The following LRP1B variants were observed in gnomAD, a reference collection of about 807,000 sequenced individuals.
The protein encoded by LRP1B is LDL receptor related protein 1B.
A neutral mutation model predicts 556.6 loss-of-function variants in LRP1B; 217 were observed. The observed-to-expected ratio is 0.39, with a 90% CI of 0.35 to 0.44. The LOEUF (loss-of-function observed/expected upper bound fraction) is 0.44. Ranked by LOEUF, LRP1B falls within the 20% of genes least tolerant of loss-of-function variation. The pLI is 1.00. For synonymous variants in LRP1B, 2,047 were observed against 1,865.8 expected (o/e 1.10, Z -2.50); for missense variants, 5,053 against 5,620.8 (o/e 0.90, Z 3.23).
intron 7 of LRP1B, among the ~76,000 whole-genome samples, chr2:141,074,583 C>CTA (rs759255104): frequency 1.0e-5 from 1 of 97,248 alleles, no homozygotes; most frequent in African/African-American, 3.6e-5. Context: ...CTCTCTCTCT[C>CTA]TCTCTCTATA....
intron 55 of LRP1B, among the ~76,000 whole-genome samples, chr2:140,496,985 G>A (rs985191049): frequency 6.6e-6 from 1 of 151,008 alleles, no homozygotes; most frequent in African/African-American, 2.4e-5. Context: ...AAAGCTATTA[G>A]AATGATATAT....
In LRP1B at chr2:141,836,799, A is replaced by T. The variant is rs557268399; in HGVS notation, c.83-26398T>A. 2.6e-5 allele frequency among the ~76,000 whole-genome samples: 4 copies of T among 152,138 alleles called. No homozygotes were observed. The South Asian group carries it at 8.3e-4, about 32-fold the overall frequency. ...GTTTGGTGAAATTTATTAAAAATGT[A>T]TAAATCTAACAGTAGGTAATTTTTG... On this transcript the variant is annotated intron_variant, in intron 1 of 90. Transcript: ENST00000389484.
chr2:140,762,016 ACTAT>A (rs1207843263), intron 35 of LRP1B, among the ~76,000 whole-genome samples: 1 of 151,948 alleles, frequency 6.6e-6, no homozygotes, highest in Non-Finnish European at 1.5e-5. Flanking sequence ...GCCTTCCCTA[ACTAT>A]CTGAGTCTCA....
chr2:140,234,125 CATT>C (rs745522690), intron 90 of LRP1B, among the ~76,000 whole-genome samples: 4 of 151,308 alleles, frequency 2.6e-5, no homozygotes, highest in African/African-American at 2.4e-5. Flanking sequence ...AACAAGGAAA[CATT>C]ATAATCTTTG....
chr2:140,615,769 C>CTTATACTAGGCTCTTCTT (rs1553499634), intron 41 of LRP1B, among the ~76,000 whole-genome samples: 2 of 160 alleles, frequency 0.013, no homozygotes, highest in Non-Finnish European at 0.053. Flanking sequence ...ACATGCCTTC[C>CTTATACTAGGCTCTTCTT]TCACCTCTTT....
At chr2:140,317,107 A>T (rs1343171222) in intron 82 of LRP1B, among the ~76,000 whole-genome samples, 1 of 152,138 alleles carries the variant, frequency 6.6e-6, no homozygotes, top group African/African-American at 2.4e-5. Context: ...AAGTCACTGT[A>T]AGCGGACCTG....
intron 3 of LRP1B, among the ~76,000 whole-genome samples, chr2:141,339,518 A>T (rs1002962799): frequency 6.6e-6 from 1 of 152,126 alleles, no homozygotes; most frequent in Non-Finnish European, 1.5e-5. Flanking sequence ...CAGTTTTCTC[A>T]TCTGAAAAAG....
intron 5 of LRP1B, among the ~76,000 whole-genome samples, 200 bp downstream of exon 5, chr2:141,247,026 A>G (rs767817672): frequency 3.2e-4 from 49 of 152,178 alleles, no homozygotes; most frequent in Non-Finnish European, 8.8e-5. Context: ...TGGAAGGAGT[A>G]ATGGAAGGAG....
chr2:142,021,159 C>T (rs984407856), intron 1 of LRP1B, among the ~76,000 whole-genome samples: 7 of 152,114 alleles, frequency 4.6e-5, no homozygotes, highest in Non-Finnish European at 1.0e-4. Flanking sequence ...ATGCACCTTG[C>T]ATTCCAGAGA....
Position 141,369,295 on chromosome 2 carries a change from C to G in LRP1B, c.343+111101G>C, listed in dbSNP as rs1369353659. 2.0e-5 allele frequency among the ~76,000 whole-genome samples: 3 copies of G among 151,992 alleles called. No homozygotes were observed. The South Asian group carries it at 6.2e-4, about 32-fold the overall frequency. On this transcript the variant is annotated intron_variant, in intron 3 of 90. Coordinates refer to ENST00000389484, the MANE Select transcript of LRP1B (RefSeq NM_018557.3). ...TGAGAAAATTTGCTCTGAAAACCTA[C>G]CACCTAATTTTCAAACATTTACATC...
chr2:140,416,828 C>A (rs184473342), intron 66 of LRP1B, among the ~76,000 whole-genome samples: 1 of 152,200 alleles, frequency 6.6e-6, no homozygotes, highest in African/African-American at 2.4e-5. Flanking sequence ...TTTTATTTAC[C>A]ACATCCATCC....
rs766397605 is a variant in LRP1B, at chr2:140,702,444, T to C, written c.6133A>G (p.Ile2045Val). The C allele has an allele frequency of 1.4e-5, 23 of 1,613,496 alleles. No homozygotes were observed. Among genetic ancestry groups the C allele is most frequent in the Non-Finnish European group, 1.8e-5 (21 of 1,179,718 alleles). The change falls in exon 38 of 91, where the codon ATC becomes GTC. Residue 2045 changes from isoleucine (I) to valine (V), a missense_variant. Physicochemically the swap from Ile to Val is conservative, Grantham distance 29. This residue lies in a region of LRP1B where 3,619 missense variants were observed against 3,931.9 expected (regional missense o/e 0.92). Coordinates refer to ENST00000389484, the MANE Select transcript of LRP1B (RefSeq NM_018557.3). ...VSMGIAWPNG[I>V]SIDYEENKLY... ...CAACAGACCTCATAGTCGATGGAGA[T>C]GCCATTCGGCCATGCTATTCCCATG...
At chr2:140,290,145 T>C (rs1313130892) in intron 84 of LRP1B, among the ~76,000 whole-genome samples, 3 of 152,046 alleles carry the variant, frequency 2.0e-5, no homozygotes, top group Admixed American at 2.0e-4. Context: ...GGGGTAGATA[T>C]TCATGAATGA....
chr2:140,861,109 T>C (rs1692782243), intron 27 of LRP1B, among the ~76,000 whole-genome samples: 1 of 152,074 alleles, frequency 6.6e-6, no homozygotes, highest in African/African-American at 2.4e-5. Context: ...TCTAACTGCC[T>C]AAAAGAGACT....
chr2:141,881,483 T>A (rs1698955747), intron 1 of LRP1B, among the ~76,000 whole-genome samples: 1 of 152,086 alleles, frequency 6.6e-6, no homozygotes, highest in Admixed American at 6.6e-5. Context: ...AAAATCGTTG[T>A]GAATGTTTGC....
chr2:140,932,263 A>G (rs1331027961), intron 20 of LRP1B, among the ~76,000 whole-genome samples: 1 of 152,140 alleles, frequency 6.6e-6, no homozygotes, highest in African/African-American at 2.4e-5. Flanking sequence ...GGATTATTCA[A>G]GATTACAGAT....
intron 2 of LRP1B, among the ~76,000 whole-genome samples, chr2:141,713,672 A>G (rs1692459545): frequency 6.6e-6 from 1 of 152,214 alleles, no homozygotes; most frequent in South Asian, 2.1e-4. Context: ...ATAACATTCA[A>G]ATTTAAATTG....
At chr2:140,603,836 A>G (rs925132814) in intron 41 of LRP1B, among the ~76,000 whole-genome samples, 9 of 152,080 alleles carry the variant, frequency 5.9e-5, no homozygotes, top group Non-Finnish European at 1.2e-4. Context: ...AGATCCTTAT[A>G]AAATTATATT....
chr2:140,793,008 T>TAGTAGTACG lies in LRP1B; in HGVS notation c.5360-16779_5360-16771dup, dbSNP rs1690176680. Among the ~76,000 whole-genome samples, 10 of 152,180 alleles carry TAGTAGTACG rather than the reference T, an allele frequency of 6.6e-5. 1 individual carries two copies. In the South Asian group the frequency reaches 2.1e-3, roughly 32 times the overall value. On this transcript the variant is annotated intron_variant, in intron 32 of 90. Transcript: ENST00000389484. ...ATAAAATATCTATAAGCATACAGTA[T>TAGTAGTACG]AGTAGTACGTAAACATTAAAATGAT...
Sources: allele counts gnomAD v4.1 joint callset (sites outside exome capture counted in the v4.1 genomes callset), GRCh38; gene constraint gnomAD v4.1.1; regional missense constraint gnomAD v4.1.1; transcripts MANE v1.5; gene names NCBI Gene and HGNC (gene_info 2026-07-23, HGNC 2026-07-21).